PIK3C2G: variants seen among roughly 807,000 people sequenced by gnomAD.
PIK3C2G encodes the protein phosphatidylinositol-4-phosphate 3-kinase catalytic subunit type 2 gamma.
In PIK3C2G, 168 loss-of-function variants were observed where a neutral mutation model predicts 181.1. That is an observed-to-expected ratio of 0.93 (90% CI 0.82 to 1.05). The LOEUF is 1.05. PIK3C2G is among the 50% of genes least tolerant of loss of function. The pLI is 0.00. For missense variants in PIK3C2G, 1,869 were observed against 1,732.8 expected (o/e 1.08, Z -1.40); for synonymous variants, 573 against 592.2 (o/e 0.97, Z 0.47).
the PIK3C2G span, among the ~76,000 whole-genome samples, chr12:18,681,355 C>T: frequency 6.6e-6 from 1 of 152,020 alleles, no homozygotes; most frequent in African/African-American, 2.4e-5. Flanking sequence ...GCCACAGTCT[C>T]AAGGGTTCAT....
At chr12:18,635,921 T>C (rs1279733263) in intron 31 of PIK3C2G, among the ~76,000 whole-genome samples, 1 of 152,194 alleles carries the variant, frequency 6.6e-6, no homozygotes, top group East Asian at 1.9e-4. Context: ...TGCAACAACG[T>C]ACCCTTTATC....
chr12:18,510,802 G>A (rs976628370), intron 24 of PIK3C2G, among the ~76,000 whole-genome samples: 3 of 152,124 alleles, frequency 2.0e-5, no homozygotes, highest in Non-Finnish European at 2.9e-5. Flanking sequence ...AATCAAACTC[G>A]TTAACACAGC....
chr12:18,414,899 A>G (rs747267198), intron 16 of PIK3C2G, among the ~76,000 whole-genome samples: 27 of 152,198 alleles, frequency 1.8e-4, no homozygotes, highest in Non-Finnish European at 3.4e-4. Flanking sequence ...CCTTAGTCAC[A>G]TCTCAGAATG....
intron 30 of PIK3C2G, among the ~76,000 whole-genome samples, chr12:18,607,666 A>C (rs999164949): frequency 4.6e-5 from 7 of 152,202 alleles, no homozygotes; most frequent in African/African-American, 1.7e-4. Context: ...AAAACACCAA[A>C]AACAATGGCA....
chr12:18,261,477 T>C (rs958115905), upstream of PIK3C2G: 4 of 152,012 alleles, frequency 2.6e-5, no homozygotes, highest in African/African-American at 9.7e-5. Context: ...AGTGGAAGCA[T>C]CACGTTCCCT....
At chr12:18,698,286 T>TATTC in the PIK3C2G span, among the ~76,000 whole-genome samples, 5 of 151,630 alleles carry the variant, frequency 3.3e-5, no homozygotes, top group African/African-American at 1.2e-4. Flanking sequence ...TATTCTATTC[T>TATTC]ACTCCATTCC....
rs151104339 is a variant in PIK3C2G at position 18,569,862 on chromosome 12, A to T, written c.4011+2805A>T. 2.7e-3 allele frequency among the ~76,000 whole-genome samples: 408 copies of T among 152,018 alleles called. 5 individuals carry two copies. The highest frequency in any genetic ancestry group is 9.4e-3 in the African/African-American group (389 of 41,464). On this transcript the variant is annotated intron_variant, in intron 29 of 32. Transcript: ENST00000538779. ...TTTGATATGTTTTTTGGTCATTCGG[A>T]TATCTTCTTTCATGAAGTGCCAGTT...
At chr12:18,635,627 T>C (rs755504450) in intron 31 of PIK3C2G, among the ~76,000 whole-genome samples, 9 of 152,184 alleles carry the variant, frequency 5.9e-5, no homozygotes, top group South Asian at 2.1e-4. Flanking sequence ...AAATTCACCA[T>C]AGGGACTTGC....
chr12:18,574,544 A>G (rs1235695892), intron 29 of PIK3C2G, among the ~76,000 whole-genome samples: 6 of 152,016 alleles, frequency 3.9e-5, no homozygotes, highest in African/African-American at 1.2e-4. Flanking sequence ...CCCTCCCCAT[A>G]CCACTGCCCC....
At chr12:18,254,471 CAT>C (rs1159013739) in intron 1 of PIK3C2G, among the ~76,000 whole-genome samples, 5 of 151,830 alleles carry the variant, frequency 3.3e-5, no homozygotes, top group Admixed American at 6.6e-5. Context: ...TATTTATAAA[CAT>C]ATATATTTTA....
At chr12:18,404,648 A>G (rs1051283079) in intron 16 of PIK3C2G, among the ~76,000 whole-genome samples, 1 of 152,214 alleles carries the variant, frequency 6.6e-6, no homozygotes, top group Non-Finnish European at 1.5e-5. Flanking sequence ...ATGGTTATAC[A>G]GGTTCAGAAA....
the PIK3C2G span, among the ~76,000 whole-genome samples, chr12:18,714,285 A>G: frequency 9.8e-5 from 15 of 152,352 alleles, no homozygotes; most frequent in East Asian, 2.9e-3. Flanking sequence ...CTGGCCTGAC[A>G]TGGAGCTAAT....
intron 12 of PIK3C2G, among the ~76,000 whole-genome samples, chr12:18,364,815 T>C (rs933070839): frequency 3.9e-5 from 6 of 152,098 alleles, no homozygotes; most frequent in African/African-American, 1.4e-4. Flanking sequence ...GGAGATTTGC[T>C]CAAACCCAGG....
chr12:18,719,693 A>T, the PIK3C2G span: 1 of 1,155,546 alleles, frequency 8.7e-7, no homozygotes, highest in South Asian at 1.5e-5. Flanking sequence ...AAGATAAAAA[A>T]CTACATCTCA....
chr12:18,663,654 A>G, the PIK3C2G span, among the ~76,000 whole-genome samples: 1 of 152,090 alleles, frequency 6.6e-6, no homozygotes, highest in Non-Finnish European at 1.5e-5. Flanking sequence ...AGAAAAAAAA[A>G]CATAGGACAA....
chr12:18,276,626 C>G (rs968148630), intron 1 of PIK3C2G, among the ~76,000 whole-genome samples: 2 of 151,966 alleles, frequency 1.3e-5, no homozygotes, highest in Non-Finnish European at 2.9e-5. Flanking sequence ...TAAAATGGAG[C>G]CTGTGTGTAT....
rs189227892 is a variant in PIK3C2G, at chr12:18,632,541, G to T, written c.4183-7888G>T. 2.0e-5 allele frequency among the ~76,000 whole-genome samples: 3 copies of T among 152,272 alleles called. No homozygotes were observed. The East Asian group carries it at 5.8e-4, about 29-fold the overall frequency. Reference sequence around the variant, plus strand: ...ATAAGCATCAATATAGACATAAAGAGATTGATCATGAGGAATTGGCTTATG... The same window carrying T: ...ATAAGCATCAATATAGACATAAAGATATTGATCATGAGGAATTGGCTTATG... On this transcript the variant is annotated intron_variant, in intron 31 of 32. Coordinates refer to ENST00000538779, the MANE Select transcript of PIK3C2G (RefSeq NM_001288772.2).
At chr12:18,461,018 AG>A (rs898909573) in intron 18 of PIK3C2G, among the ~76,000 whole-genome samples, 15 of 152,078 alleles carry the variant, frequency 9.9e-5, no homozygotes, top group African/African-American at 3.6e-4. Flanking sequence ...GTGATATAGA[AG>A]TGTTAGCCTT....
At position 18,647,886 on chromosome 12, in the gene PIK3C2G, A is replaced by T; in HGVS notation, c.4319A>T (p.Asp1440Val). The part of the protein sequence containing the change: ...DPTYNEIVVY[D>V]EVTELQGHVL... ...TTTCTCCGTTTTTAGGTAGTATATG[A>T]TGAAGTCACAGAGCTCCAAGGACAT... Residue 1440 changes from aspartate (D) to valine (V), a missense_variant, in exon 33 of 33, where the codon GAT becomes GTT. Coordinates refer to ENST00000538779, the MANE Select transcript of PIK3C2G (RefSeq NM_001288772.2). The T allele has an allele frequency of 6.4e-7, 1 of 1,550,450 alleles. No homozygotes were observed. The highest frequency in any genetic ancestry group is 2.3e-5 in the East Asian group (1 of 42,798).
Sources: gnomAD v4.1 joint callset for allele counts (sites outside exome capture counted in the v4.1 genomes callset) on GRCh38, gnomAD v4.1.1 for gene constraint, MANE v1.5 for transcripts, NCBI Gene and HGNC (gene_info 2026-07-23, HGNC 2026-07-21) for gene names.